KRI1: variants seen among roughly 807,000 people sequenced by gnomAD.
KRI1 encodes KRI1 homolog.
KRI1 carries 83 observed loss-of-function variants against 97.0 expected under a neutral mutation model. The ratio of observed to expected loss-of-function variants is 0.86; its 90% CI spans 0.72 to 1.03. KRI1 has a LOEUF of 1.03. Ranked by LOEUF, KRI1 falls within the 50% of genes least tolerant of loss-of-function variation. The pLI, the probability that KRI1 is intolerant of heterozygous loss-of-function variation, is 0.00. For missense variants in KRI1, 916 were observed against 928.4 expected, an observed-to-expected ratio of 0.99 and a Z score of 0.17; for synonymous variants, 371 against 363.5, an observed-to-expected ratio of 1.02 and a Z score of -0.23.
chr19:10,563,655 T>A (rs1916767145), intron 3 of KRI1, among the ~76,000 whole-genome samples: 1 of 151,970 alleles, frequency 6.6e-6, no homozygotes, highest in African/African-American at 2.4e-5. Context: ...CCTGATTAAT[T>A]ATTATAATTA....
rs1273950213 is a variant in KRI1 at position 10,559,576 on chromosome 19, G to A, written c.1023+37C>T. 1.9e-6 allele frequency: 3 copies of A among 1,613,460 alleles called. No individual in the cohort carries two copies. The Admixed American group carries it at 5.0e-5, about 27-fold the overall frequency. On this transcript the variant is annotated intron_variant, in intron 11 of 18. Coordinates refer to ENST00000312962, the MANE Select transcript of KRI1 (RefSeq NM_023008.5). Reference sequence around the variant, plus strand: ...GGGAGGGCATGGGCTTTCCTCCAGGGCTGGGGGGTCCTCCCCAGCTCACCC... The same window carrying A: ...GGGAGGGCATGGGCTTTCCTCCAGGACTGGGGGGTCCTCCCCAGCTCACCC...
intron 10 of KRI1, 40 bp from the exon 11 acceptor site, chr19:10,559,748 G>C: frequency 6.2e-7 from 1 of 1,613,980 alleles, no homozygotes; most frequent in Non-Finnish European, 8.5e-7. Context: ...CCGCAGAGAT[G>C]ATGTGGGGTT....
At position 10,558,292 on chromosome 19, in the gene KRI1, A is replaced by C. The variant is rs534932162; in HGVS notation, c.1195-53T>G. 7 of 1,569,118 alleles carry C rather than the reference A, an allele frequency of 4.5e-6. No individual in the cohort carries two copies. In the East Asian group the frequency reaches 1.6e-4, roughly 35 times the overall value. On this transcript the variant is annotated intron_variant, in intron 12 of 18. Coordinates refer to ENST00000312962, the MANE Select transcript of KRI1 (RefSeq NM_023008.5). ...GAGCCCACTCGAGACATAGGAGCTG[A>C]GCCCCCTACGATGCCGCCAATGACC...
Position 10,565,708 on chromosome 19 carries a change from G to A in KRI1, c.168+9C>T. 6.4e-7 allele frequency: 1 copy of A among 1,563,750 alleles called. No individual in the cohort carries two copies. The highest frequency in any genetic ancestry group is 8.7e-7 in the Non-Finnish European group (1 of 1,155,600). On this transcript the variant is annotated intron_variant, in intron 2 of 18. Coordinates refer to ENST00000312962, the MANE Select transcript of KRI1 (RefSeq NM_023008.5). ...CTCCGCACGTCCAGGACGGGGCGGG[G>A]ACGCGCACCACGCGCTCGTCGCTTG...
Position 10,566,004 on chromosome 19 carries a change from G to A in KRI1, c.-5C>T, listed in dbSNP as rs937228432. On this transcript the variant is annotated 5_prime_UTR_variant, in exon 1 of 19. Coordinates refer to ENST00000312962, the MANE Select transcript of KRI1 (RefSeq NM_023008.5). Reference sequence around the variant, plus strand: ...CGACCCGCGCGGTTCCGGCATGGCGGTTCTGTGGCCCATTGCGCACGCGCA... The same window carrying A: ...CGACCCGCGCGGTTCCGGCATGGCGATTCTGTGGCCCATTGCGCACGCGCA... 8 of 1,516,516 alleles carry A rather than the reference G, an allele frequency of 5.3e-6. No homozygotes were observed. The highest frequency in any genetic ancestry group is 2.9e-5 in the African/African-American group (2 of 69,918). The allele number at this position is 1,516,516 out of a possible 1,614,324, so 93.9% of individuals were successfully genotyped here. A position where few individuals can be genotyped will look rare whatever the true frequency, so the allele number is the denominator to read the frequency against.
rs764449035 is a variant in KRI1, at chr19:10,561,724, G to C, written c.439-8C>G. 1.2e-6 allele frequency: 2 copies of C among 1,613,916 alleles called. No individual in the cohort carries two copies. The highest frequency in any genetic ancestry group is 1.1e-5 in the South Asian group (1 of 91,088). ...ACTTTGCGACGATGTCTCCTGCAGAGAGGGCCATAGGTCTCAGGCCAGCCC... is the reference window on the plus strand; with the variant it reads ...ACTTTGCGACGATGTCTCCTGCAGACAGGGCCATAGGTCTCAGGCCAGCCC... On this transcript the variant is annotated splice_region_variant and splice_polypyrimidine_tract_variant and intron_variant, in intron 5 of 18. Transcript: ENST00000312962.
At position 10,559,825 on chromosome 19, in the gene KRI1, C is replaced by T. The variant is rs773204800; in HGVS notation, c.912G>A (p.Glu304=). The change falls in exon 10 of 19, where the codon GAG becomes GAA. Residue 304 remains glutamate (E), a synonymous_variant. Transcript: ENST00000312962. Reference sequence around the variant, plus strand: ...AGCCACACACCGATGCTGAGTCCGGCTCCTCGAAACGGAAATTGTACTTCT... The same window carrying T: ...AGCCACACACCGATGCTGAGTCCGGTTCCTCGAAACGGAAATTGTACTTCT... The part of the protein sequence containing the change: ...FEQKYNFRFE[E]PDSASVKTYP... 1.9e-6 allele frequency: 3 copies of T among 1,613,906 alleles called. No homozygotes were observed. In the South Asian group the frequency reaches 3.3e-5, roughly 18 times the overall value.
At position 10,565,739 on chromosome 19, in the gene KRI1, G is replaced by A; in HGVS notation, c.146C>T (p.Ser49Leu). 6.3e-7 allele frequency: 1 copy of A among 1,578,888 alleles called. No individual in the cohort carries two copies. Among genetic ancestry groups the A allele is most frequent in the Non-Finnish European group, 8.6e-7 (1 of 1,163,584 alleles). The change falls in exon 2 of 19, where the codon TCG becomes TTG. Residue 49 changes from serine to leucine, a missense_variant. Physicochemically the swap from Ser to Leu is moderately radical, Grantham distance 145 (BLOSUM62 -2). This residue lies in a region of KRI1 where 173 missense variants were observed against 153.1 expected (regional missense o/e 1.13). Coordinates refer to ENST00000312962, the MANE Select transcript of KRI1 (RefSeq NM_023008.5). ...RDSSSDSSSE[S>L]DSSDERVEFD... ...CACCACGCGCTCGTCGCTTGAGTCC[G>A]ACTCGGAGCTGGAGTCGCTGCTGCT...
intron 4 of KRI1, 118 bp downstream of exon 4, chr19:10,562,611 G>T: frequency 1.4e-6 from 1 of 695,394 alleles, no homozygotes; most frequent in Non-Finnish European, 2.6e-6. Context: ...GGGATTATGG[G>T]CATGAGCCAC....
rs1014256953 is a variant in KRI1 at position 10,558,313 on chromosome 19, T to C, written c.1195-74A>G. On this transcript the variant is annotated intron_variant, in intron 12 of 18. Transcript: ENST00000312962. ...GCTGAGCCCCCTACGATGCCGCCAATGACCCCCTCCTTGGCAACTTTACTC... is the reference window on the plus strand; with the variant it reads ...GCTGAGCCCCCTACGATGCCGCCAACGACCCCCTCCTTGGCAACTTTACTC... The C allele has an allele frequency of 4.2e-6, 6 of 1,428,726 alleles. No individual in the cohort carries two copies. The African/African-American group carries it at 8.4e-5, about 20-fold the overall frequency. 88.5% of individuals were successfully genotyped at this position (1,428,726 alleles called of 1,614,324 possible).
chr19:10,554,621 C>T (rs996576582), intron 18 of KRI1, among the ~76,000 whole-genome samples: 1 of 152,154 alleles, frequency 6.6e-6, no homozygotes, highest in African/African-American at 2.4e-5. Context: ...CCATAGGTCA[C>T]TGCAGCCTCC....
chr19:10,565,813 C>CCG (rs909252235), intron 1 of KRI1, 23 bp from the exon 2 acceptor site: 8 of 1,539,480 alleles, frequency 5.2e-6, no homozygotes, highest in African/African-American at 2.8e-5. Flanking sequence ...GACGGGATGC[C>CCG]CCCCCCCAGG....
Position 10,553,973 on chromosome 19 carries a change from T to C in KRI1, c.2090A>G (p.Gln697Arg), listed in dbSNP as rs774629675. The C allele has an allele frequency of 8.7e-6, 14 of 1,608,788 alleles. No individual in the cohort carries two copies. Among genetic ancestry groups the C allele is most frequent in the Non-Finnish European group, 1.2e-5 (14 of 1,177,130 alleles). Residue 697 changes from glutamine to arginine, a missense_variant, in exon 19 of 19, where the codon CAG (glutamine) becomes CGG (arginine). By Grantham distance (43) the Gln-to-Arg change is conservative. Transcript: ENST00000312962. ...RQLGRQRRKQ[Q>R]GPKNSS is the part of the protein sequence containing the mutation. ...TGCTCAGGAGCTGTTCTTGGGCCCC[T>C]GTTGTTTCCTCCGCTGCCGGCCCAG...
At chr19:10,561,533 G>A (rs1376023333) in intron 6 of KRI1, 134 bp downstream of exon 6, 2 of 938,206 alleles carry the variant, frequency 2.1e-6, no homozygotes, top group East Asian at 2.4e-5. Context: ...GTGCTGTGAT[G>A]TTATTAACCC....
rs760619384 is a variant in KRI1 at position 10,565,914 on chromosome 19, A to G, written c.86T>C (p.Leu29Pro). The change falls in exon 1 of 19, where the codon CTG becomes CCG. Residue 29 changes from leucine to proline, a missense_variant. By Grantham distance (98) the Leu-to-Pro change is moderately conservative. Coordinates refer to ENST00000312962, the MANE Select transcript of KRI1 (RefSeq NM_023008.5). ...RYNRYREREE[L>P]QRLKDRYGDR... ...ATGCGCCCCGCACTCACGCCGCTGCAGTTCCTCGCGCTCCCGGTAGCGGTT... is the reference window on the plus strand; with the variant it reads ...ATGCGCCCCGCACTCACGCCGCTGCGGTTCCTCGCGCTCCCGGTAGCGGTT... 41 of 1,533,910 alleles carry G rather than the reference A, an allele frequency of 2.7e-5. No individual in the cohort carries two copies. Among genetic ancestry groups the G allele is most frequent in the Non-Finnish European group, 3.4e-5 (39 of 1,140,244 alleles).
In KRI1 at chr19:10,559,303, T is replaced by C. The variant is rs556550936; in HGVS notation, c.1194+56A>G. ...TACAGGCGTGAGCCACCGTGGCCAG[T>C]GAGAGCCATGTTTGTGTGAACTCAG... is the stretch of plus-strand genomic sequence containing the variant. On this transcript the variant is annotated intron_variant, in intron 12 of 18. Coordinates refer to ENST00000312962, the MANE Select transcript of KRI1 (RefSeq NM_023008.5). 2.6e-6 allele frequency: 4 copies of C among 1,557,874 alleles called. No individual in the cohort carries two copies. In the African/African-American group the frequency reaches 5.4e-5, roughly 21 times the overall value.
chr19:10,560,510 T>A, intron 8 of KRI1, 62 bp from the exon 9 acceptor site: 1 of 1,268,318 alleles, frequency 7.9e-7, no homozygotes. Context: ...GCAGGCATGC[T>A]CACCACATGG....
In KRI1 at chr19:10,558,216, G is replaced by A. The variant is rs759411011; in HGVS notation, c.1218C>T (p.Tyr406=). The A allele has an allele frequency of 1.4e-5, 23 of 1,613,892 alleles. No homozygotes were observed. The highest frequency in any genetic ancestry group is 8.9e-5 in the East Asian group (4 of 44,880). The change falls in exon 13 of 19, where the codon TAC becomes TAT. Residue 406 remains tyrosine (Y), a synonymous_variant. Transcript: ENST00000312962. The stretch of plus-strand genomic sequence containing the variant: ...GTGGCTTCTCCTCCTCCACGGCCCC[G>A]TAGTACTCGTCCCCAAAGCACTTCT... ...LMQKCFGDEY[Y]GAVEEEKPQF...
At chr19:10,560,230 T>C (rs1446931902) in intron 9 of KRI1, 82 bp downstream of exon 9, 7 of 1,482,404 alleles carry the variant, frequency 4.7e-6, no homozygotes, top group African/African-American at 1.4e-5. Context: ...CATGGTGCCC[T>C]CTGCCTCCTG....
Sources: gnomAD v4.1 joint callset for allele counts (sites outside exome capture counted in the v4.1 genomes callset) on GRCh38, gnomAD v4.1.1 for gene constraint, gnomAD v4.1.1 regional missense constraint, MANE v1.5 for transcripts, NCBI Gene and HGNC (gene_info 2026-07-23, HGNC 2026-07-21) for gene names.